HUNK: variants seen among roughly 807,000 people sequenced by gnomAD.
HUNK encodes the protein hormonally up-regulated neu tumor-associated kinase.
HUNK carries 21 observed loss-of-function variants against 61.0 expected under a neutral mutation model. The ratio of observed to expected loss-of-function variants is 0.34; its 90% CI spans 0.24 to 0.50. The LOEUF (loss-of-function observed/expected upper bound fraction) is 0.50, where lower values mean the gene tolerates loss of function less well. Ranked by LOEUF, HUNK falls within the 20% of genes least tolerant of loss-of-function variation. The pLI is 0.98. For missense variants in HUNK, 772 were observed against 945.7 expected (o/e 0.82, Z 2.41); for synonymous variants, 371 against 386.1 (o/e 0.96, Z 0.46).
At chr21:31,959,413 T>G (rs971996870) in intron 5 of HUNK, among the ~76,000 whole-genome samples, 2 of 152,200 alleles carry the variant, frequency 1.3e-5, no homozygotes, top group East Asian at 1.9e-4. Flanking sequence ...GGGCTGTGAT[T>G]TGTTTTGTGA....
intron 9 of HUNK, among the ~76,000 whole-genome samples, chr21:31,994,879 C>T (rs1054731329): frequency 1.6e-4 from 25 of 152,220 alleles, no homozygotes; most frequent in African/African-American, 4.6e-4. Context: ...CACTGCCAAG[C>T]GTTTTGGCTC....
chr21:31,904,725 A>AC (rs2123801742), intron 1 of HUNK, among the ~76,000 whole-genome samples: 1 of 152,154 alleles, frequency 6.6e-6, no homozygotes, highest in East Asian at 1.9e-4. Context: ...ATTGTGTCCC[A>AC]CCCCCAAATT....
chr21:31,985,758 T>C lies in HUNK; in HGVS notation c.1257+2149T>C, dbSNP rs147556968. Among the ~76,000 whole-genome samples the C allele has an allele frequency of 6.4e-3, 968 of 151,762 alleles. 10 individuals carry two copies. The highest frequency in any genetic ancestry group is 0.021 in the African/African-American group (868 of 41,330). On this transcript the variant is annotated intron_variant, in intron 8 of 10. Coordinates refer to ENST00000270112, the MANE Select transcript of HUNK (RefSeq NM_014586.2). The stretch of plus-strand genomic sequence containing the variant: ...GAGGATGTTAGAAAGAACAGCTTCG[T>C]GAAGTGCCAAAGGCAGAAGAGAGGT...
chr21:31,922,654 A>G (rs1409325813), intron 1 of HUNK, among the ~76,000 whole-genome samples: 3 of 152,182 alleles, frequency 2.0e-5, no homozygotes, highest in Non-Finnish European at 4.4e-5. Context: ...TGTGCAATAC[A>G]TTATTGTTAA....
intron 1 of HUNK, among the ~76,000 whole-genome samples, chr21:31,899,809 C>G (rs2052451409): frequency 1.3e-5 from 2 of 151,460 alleles, no homozygotes; most frequent in African/African-American, 4.9e-5. Flanking sequence ...CAGAGTTTCA[C>G]TCTTGTCACC....
At chr21:31,956,617 A>G (rs903892070) in intron 4 of HUNK, among the ~76,000 whole-genome samples, 1 of 152,068 alleles carries the variant, frequency 6.6e-6, no homozygotes, top group Non-Finnish European at 1.5e-5. Flanking sequence ...CCTCAGTACC[A>G]TTCTGTTACC....
Position 31,974,734 on chromosome 21 carries a change from A to G in HUNK, c.1173+17A>G, listed in dbSNP as rs748099220. On this transcript the variant is annotated intron_variant, in intron 7 of 10. Transcript: ENST00000270112. Reference sequence around the variant, plus strand: ...TTGTCAGGGGTAAGTGCGACCCTAGAGGCGATCGTCTCTGCTGTCTGTGGA... The same window carrying G: ...TTGTCAGGGGTAAGTGCGACCCTAGGGGCGATCGTCTCTGCTGTCTGTGGA... 4 of 1,602,382 alleles carry G rather than the reference A, an allele frequency of 2.5e-6. No individual in the cohort carries two copies. The highest frequency in any genetic ancestry group is 3.4e-6 in the Non-Finnish European group (4 of 1,174,568).
chr21:31,945,527 C>A (rs2052796115), intron 3 of HUNK, among the ~76,000 whole-genome samples: 1 of 152,160 alleles, frequency 6.6e-6, no homozygotes, highest in African/African-American at 2.4e-5. Flanking sequence ...AAAAGACTTT[C>A]ATGAAACGAA....
chr21:31,947,889 C>T (rs986850327), intron 4 of HUNK, among the ~76,000 whole-genome samples: 4 of 151,462 alleles, frequency 2.6e-5, no homozygotes, highest in Non-Finnish European at 5.9e-5. Flanking sequence ...TGTGTTGATC[C>T]GGAGTATTTC....
At chr21:31,911,204 A>T (rs2052543632) in intron 1 of HUNK, among the ~76,000 whole-genome samples, 1 of 152,176 alleles carries the variant, frequency 6.6e-6, no homozygotes, top group African/African-American at 2.4e-5. Context: ...TGTGGTAAGC[A>T]TGTCAGTGAG....
chr21:31,924,421 A>G lies in HUNK; in HGVS notation c.262-47A>G, dbSNP rs749326655. ...TCCTGTGAGTAGCCAAGGCATCGCT[A>G]TTGTCTGTAATGTCTGATAACAGGC... is the stretch of plus-strand genomic sequence containing the variant. On this transcript the variant is annotated intron_variant, in intron 1 of 10. Coordinates refer to ENST00000270112, the MANE Select transcript of HUNK (RefSeq NM_014586.2). The surrounding 1 kb of genome is among the most constrained non-coding windows in gnomAD (Gnocchi z 5.1). 2.6e-6 allele frequency: 4 copies of G among 1,560,250 alleles called. No homozygotes were observed. Among genetic ancestry groups the G allele is most frequent in the Non-Finnish European group, 3.5e-6 (4 of 1,148,432 alleles).
rs117002778 is a variant in HUNK, at chr21:31,931,364, C to T, written c.554+6604C>T. On this transcript the variant is annotated intron_variant, in intron 2 of 10. Coordinates refer to ENST00000270112, the MANE Select transcript of HUNK (RefSeq NM_014586.2). ...TTAAGTATTTTCTGGAGTCTTTCCTCTTCACCTTGTCTTAGAATCTTTCAC... is the reference window on the plus strand; with the variant it reads ...TTAAGTATTTTCTGGAGTCTTTCCTTTTCACCTTGTCTTAGAATCTTTCAC... Among the ~76,000 whole-genome samples the T allele has an allele frequency of 1.8e-3, 281 of 152,284 alleles. 2 individuals are homozygous for T. Among genetic ancestry groups the T allele is most frequent in the Non-Finnish European group, 3.4e-3 (232 of 68,026 alleles).
intron 4 of HUNK, among the ~76,000 whole-genome samples, chr21:31,955,177 C>T (rs1304955830): frequency 6.6e-6 from 1 of 152,114 alleles, no homozygotes; most frequent in Non-Finnish European, 1.5e-5. Flanking sequence ...GGAGACTTTC[C>T]ACTGACAGAA....
At chr21:31,884,838 G>T (rs2052334550) in intron 1 of HUNK, among the ~76,000 whole-genome samples, 1 of 151,780 alleles carries the variant, frequency 6.6e-6, no homozygotes, top group Admixed American at 6.6e-5. Flanking sequence ...GGGTGCAGTG[G>T]CACCCTCTTG....
chr21:31,924,532 G>A lies in HUNK; in HGVS notation c.326G>A (p.Arg109Gln), dbSNP rs779109858. The A allele has an allele frequency of 3.7e-6, 6 of 1,613,974 alleles. No individual in the cohort carries two copies. Among genetic ancestry groups the A allele is most frequent in the East Asian group, 4.5e-5 (2 of 44,894 alleles). Residue 109 changes from arginine (R) to glutamine (Q), a missense_variant, in exon 2 of 11, where the codon CGG becomes CAG. Physicochemically the swap from Arg to Gln is conservative, Grantham distance 43 (BLOSUM62 1). Around this residue, in one of 2 missense-constraint regions of HUNK, gnomAD observed 359 missense variants for 501.3 expected, o/e 0.72. Coordinates refer to ENST00000270112, the MANE Select transcript of HUNK (RefSeq NM_014586.2). This position sits in a 1 kb window ranked among gnomAD's most constrained non-coding sequence, Gnocchi z 5.1. ...GACACCTATGTCACCAAAAACCTGC[G>A]GCGAGAGGGTCAGATCCAGCAGATG... ...KKDTYVTKNL[R>Q]REGQIQQMIR...
chr21:31,877,630 G>A (rs954283343), intron 1 of HUNK, among the ~76,000 whole-genome samples: 4 of 152,192 alleles, frequency 2.6e-5, no homozygotes, highest in Non-Finnish European at 5.9e-5. Flanking sequence ...TACCTTCACA[G>A]TCAGGGCTGA....
Position 31,873,715 on chromosome 21 carries a change from C to A in HUNK, c.41C>A (p.Ala14Glu). ...GGGGACGGGCTCCTGGGGGAGCCGG[C>A]GGCGCCTGGGGGCGGCGGCGGCGCG... ...AAGDGLLGEPAAPGGGGGAED... is the reference protein window; with the variant it reads ...AAGDGLLGEPEAPGGGGGAED... The change falls in exon 1 of 11, where the codon GCG becomes GAG. Residue 14 changes from alanine to glutamate, a missense_variant. Transcript: ENST00000270112. This position sits in a 1 kb window ranked among gnomAD's most constrained non-coding sequence, Gnocchi z 6.1. 8.4e-7 allele frequency: 1 copy of A among 1,184,064 alleles called. No individual in the cohort carries two copies. 73.3% of individuals were successfully genotyped at this position (1,184,064 alleles called of 1,614,324 possible). A position where few individuals can be genotyped will look rare whatever the true frequency, so the allele number is the denominator to read the frequency against.
intron 7 of HUNK, among the ~76,000 whole-genome samples, chr21:31,981,211 T>G (rs547029770): frequency 1.4e-3 from 219 of 152,370 alleles, no homozygotes; most frequent in Non-Finnish European, 2.9e-3. Flanking sequence ...TCCATTGGTC[T>G]ATGTGTCTCT....
intron 5 of HUNK, among the ~76,000 whole-genome samples, chr21:31,961,552 T>C (rs1243574681): frequency 2.0e-5 from 3 of 152,232 alleles, no homozygotes; most frequent in African/African-American, 7.2e-5. Flanking sequence ...TTGCCAGCAT[T>C]TGATGCTATT....
Sources: allele counts gnomAD v4.1 joint callset (sites outside exome capture counted in the v4.1 genomes callset), GRCh38; gene constraint gnomAD v4.1.1; regional missense constraint gnomAD v4.1.1; non-coding constraint Gnocchi (gnomAD v3.1); transcripts MANE v1.5; gene names NCBI Gene and HGNC (gene_info 2026-07-23, HGNC 2026-07-21).